FRMD4A: variants seen among roughly 807,000 people sequenced by gnomAD.
The protein encoded by FRMD4A is FERM domain containing 4A.
FRMD4A carries 29 observed loss-of-function variants against 129.1 expected under a neutral mutation model. The ratio of observed to expected loss-of-function variants is 0.22; its 90% confidence interval spans 0.17 to 0.31. The LOEUF is 0.31. Ranked by LOEUF, FRMD4A falls within the 10% of genes least tolerant of loss-of-function variation. The probability of loss-of-function intolerance (pLI) is 1.00; values close to 1 mark genes in which losing one functional copy is unlikely to be tolerated. For synonymous variants in FRMD4A, 634 were observed against 571.6 expected, an observed-to-expected ratio of 1.11 and a Z score of -1.56; for missense variants, 1,272 against 1,375.8, an observed-to-expected ratio of 0.92 and a Z score of 1.19.
intron 2 of FRMD4A, among the ~76,000 whole-genome samples, chr10:13,915,024 A>G (rs567941801): frequency 9.9e-5 from 15 of 152,176 alleles, no homozygotes; most frequent in Non-Finnish European, 1.9e-4. Flanking sequence ...GAAAACAACA[A>G]TAACAACAGC....
At chr10:13,948,218 TCA>T (rs2095346556) in intron 2 of FRMD4A, among the ~76,000 whole-genome samples, 1 of 152,166 alleles carries the variant, frequency 6.6e-6, no homozygotes, top group South Asian at 2.1e-4. Context: ...TACAGGATTC[TCA>T]CTGTTGCCCA....
At chr10:14,127,575 GT>G (rs1181397137) in intron 2 of FRMD4A, among the ~76,000 whole-genome samples, 1 of 152,104 alleles carries the variant, frequency 6.6e-6, no homozygotes, top group Non-Finnish European at 1.5e-5. Flanking sequence ...CTGTGCCTCA[GT>G]TTTCCCATCT....
chr10:13,944,299 C>G (rs569661380), intron 2 of FRMD4A, among the ~76,000 whole-genome samples: 3 of 152,078 alleles, frequency 2.0e-5, no homozygotes, highest in Non-Finnish European at 4.4e-5. Flanking sequence ...GAACCCTGTT[C>G]GTGAACTGTG....
chr10:14,274,256 A>C (rs1343479436), intron 2 of FRMD4A, among the ~76,000 whole-genome samples: 6 of 152,184 alleles, frequency 3.9e-5, no homozygotes. Context: ...GGATGGCAGA[A>C]CTTGACGACA....
At chr10:14,218,638 G>A (rs1260260928) in intron 2 of FRMD4A, among the ~76,000 whole-genome samples, 15 of 152,114 alleles carry the variant, frequency 9.9e-5, no homozygotes, top group Admixed American at 9.8e-4. Flanking sequence ...GGGATTGCCT[G>A]AGGTCAGGAG....
At chr10:14,172,496 A>G (rs4750478) in intron 2 of FRMD4A, among the ~76,000 whole-genome samples, 151,602 of 152,312 alleles carry the variant, frequency 1, 75,449 homozygotes, top group Middle Eastern at 1. Flanking sequence ...TTTGCATAGG[A>G]AACTCCCTTC....
chr10:13,787,787 G>C (rs1335233876), intron 5 of FRMD4A, among the ~76,000 whole-genome samples: 1 of 149,198 alleles, frequency 6.7e-6, no homozygotes, highest in Non-Finnish European at 1.5e-5. Context: ...GCTGGGCATA[G>C]TTTTTGGCCG....
At chr10:13,723,474 T>C (rs1275563468) in intron 12 of FRMD4A, among the ~76,000 whole-genome samples, 1 of 152,196 alleles carries the variant, frequency 6.6e-6, no homozygotes, top group Non-Finnish European at 1.5e-5. Flanking sequence ...TATTGTTTCA[T>C]GGGTAAAGTT....
intron 2 of FRMD4A, among the ~76,000 whole-genome samples, chr10:13,978,415 C>T (rs2095549474): frequency 6.6e-6 from 1 of 152,148 alleles, no homozygotes; most frequent in Non-Finnish European, 1.5e-5. Flanking sequence ...CCTTCTTCTG[C>T]TCCTGACTCT....
At chr10:14,042,539 A>T (rs922708915) in intron 2 of FRMD4A, among the ~76,000 whole-genome samples, 4 of 152,178 alleles carry the variant, frequency 2.6e-5, no homozygotes, top group African/African-American at 9.7e-5. Context: ...AGGAAATTAA[A>T]TTTATGTTCA....
chr10:13,670,496 G>C lies in FRMD4A; in HGVS notation c.1284C>G (p.Pro428=). The change falls in exon 17 of 25, where the codon CCC becomes CCG. Residue 428 remains proline, a synonymous_variant. Transcript: ENST00000357447. ...TGGGTGGTTCCTCCCCTGGATCCAGGGGATATTCTACTGGCAGCTTGCCCG... is the reference window on the plus strand; with the variant it reads ...TGGGTGGTTCCTCCCCTGGATCCAGCGGATATTCTACTGGCAGCTTGCCCG... ...ELTGKLPVEY[P]LDPGEEPPIV... is the part of the protein sequence containing the mutation. The C allele has an allele frequency of 6.2e-7, 1 of 1,613,294 alleles. No individual in the cohort carries two copies. Among genetic ancestry groups the C allele is most frequent in the East Asian group, 2.2e-5 (1 of 44,848 alleles).
chr10:14,301,628 T>C (rs910905057), intron 2 of FRMD4A, among the ~76,000 whole-genome samples: 2 of 152,256 alleles, frequency 1.3e-5, no homozygotes, highest in African/African-American at 4.8e-5. Flanking sequence ...TTGGATTTTT[T>C]TTCATTTGCA....
chr10:14,254,893 A>G lies in FRMD4A; in HGVS notation c.45+75165T>C, dbSNP rs540413410. On this transcript the variant is annotated intron_variant, in intron 2 of 24. Transcript: ENST00000357447. ...ATGTTCAAGAAAAATTCCTCTTTCCATAAAGTCTTCTGAGACTTGAGGGAG... is the reference window on the plus strand; with the variant it reads ...ATGTTCAAGAAAAATTCCTCTTTCCGTAAAGTCTTCTGAGACTTGAGGGAG... 4.1e-4 allele frequency among the ~76,000 whole-genome samples: 63 copies of G among 152,252 alleles called. No homozygotes were observed. In the South Asian group the frequency reaches 4.8e-3, roughly 12 times the overall value.
chr10:13,723,237 G>C (rs2089607472), intron 12 of FRMD4A, among the ~76,000 whole-genome samples: 1 of 152,216 alleles, frequency 6.6e-6, no homozygotes, highest in Admixed American at 6.5e-5. Flanking sequence ...GGTTAGCTAG[G>C]TCAACATGTA....
intron 2 of FRMD4A, among the ~76,000 whole-genome samples, chr10:14,325,343 A>G (rs1262067227): frequency 6.6e-6 from 1 of 152,230 alleles, no homozygotes; most frequent in Admixed American, 6.5e-5. Context: ...TCACATCTCC[A>G]ACTGGCCTTT....
intron 2 of FRMD4A, among the ~76,000 whole-genome samples, chr10:13,906,640 G>T (rs539438220): frequency 6.6e-6 from 1 of 152,222 alleles, no homozygotes; most frequent in South Asian, 2.1e-4. Context: ...TCAATCCTTG[G>T]TTTGAGCCTC....
intron 2 of FRMD4A, among the ~76,000 whole-genome samples, chr10:13,947,345 C>A (rs548307023): frequency 1.0e-3 from 158 of 152,228 alleles, no homozygotes; most frequent in African/African-American, 2.3e-3. Context: ...GACACAGAGG[C>A]TGAATTGCCC....
chr10:14,223,779 GAGAA>G (rs371581048), intron 2 of FRMD4A, among the ~76,000 whole-genome samples: 24,926 of 117,704 alleles, frequency 0.21, 2,766 homozygotes, highest in Non-Finnish European at 0.24. Flanking sequence ...GAGAGAGAGA[GAGAA>G]AGAGAGAATA....
intron 6 of FRMD4A, among the ~76,000 whole-genome samples, chr10:13,781,368 CTTTT>C (rs1161094661): frequency 1.4e-5 from 1 of 70,704 alleles, no homozygotes; most frequent in Non-Finnish European, 2.6e-5. Context: ...ATGGATGAAC[CTTTT>C]TTTTTTTTTT....
Sources: gnomAD v4.1 joint callset for allele counts (sites outside exome capture counted in the v4.1 genomes callset) on GRCh38, gnomAD v4.1.1 for gene constraint, MANE v1.5 for transcripts, NCBI Gene and HGNC (gene_info 2026-07-23, HGNC 2026-07-21) for gene names.